Variants in PIK3CA observed in about 807,000 individuals in gnomAD.
PIK3CA encodes the protein phosphatidylinositol 4,5-bisphosphate 3-kinase catalytic subunit alpha isoform.
In PIK3CA, 27 loss-of-function variants were observed where a neutral mutation model predicts 138.2. That is an observed-to-expected ratio of 0.20 (90% CI 0.14 to 0.27). The LOEUF is 0.27. Ranked by LOEUF, PIK3CA falls within the 10% of genes least tolerant of loss-of-function variation. The pLI is 1.00. For synonymous variants in PIK3CA, 358 were observed against 413.2 expected (o/e 0.87, Z 1.62); for missense variants, 544 against 1,277.4 (o/e 0.43, Z 8.75).
At chr3:179,191,419 A>G (rs1161290186) in intron 1 of PIK3CA, among the ~76,000 whole-genome samples, 1 of 152,200 alleles carries the variant, frequency 6.6e-6, no homozygotes, top group African/African-American at 2.4e-5. Context: ...TCATTCAGCA[A>G]ACATTTAAAC....
chr3:179,239,782 T>C lies in PIK3CA; in HGVS notation c.*5418T>C. On this transcript the variant is annotated 3_prime_UTR_variant, in exon 21 of 21. Coordinates refer to ENST00000263967, the MANE Select transcript of PIK3CA (RefSeq NM_006218.4). ...TTGTAGCAAGTTTATTTCTCTATAT[T>C]TTGTCATTCAGTGAATTGAAGTCCT... The C allele has an allele frequency of 2.4e-6, 1 of 419,252 alleles. No individual in the cohort carries two copies. Among genetic ancestry groups the C allele is most frequent in the East Asian group, 3.5e-5 (1 of 28,368 alleles). The allele number at this position is 419,252 out of a possible 1,614,324, so 26.0% of individuals were successfully genotyped here. A position where few individuals can be genotyped will look rare whatever the true frequency, so the allele number is the denominator to read the frequency against.
intron 1 of PIK3CA, among the ~76,000 whole-genome samples, chr3:179,173,597 A>G (rs1723620368): frequency 6.6e-6 from 1 of 151,972 alleles, no homozygotes; most frequent in Non-Finnish European, 1.5e-5. Context: ...AAGTGCTAGA[A>G]TAACAAAAAA....
rs1418421686 is a variant in PIK3CA at position 179,220,818 on chromosome 3, C to T, written c.2016-168C>T. Among the ~76,000 whole-genome samples the T allele has an allele frequency of 1.3e-5, 2 of 152,084 alleles. No individual in the cohort carries two copies. The highest frequency in any genetic ancestry group is 4.8e-5 in the African/African-American group (2 of 41,422). On this transcript the variant is annotated intron_variant, in intron 13 of 20. Transcript: ENST00000263967. This position sits in a 1 kb window ranked among gnomAD's most constrained non-coding sequence, Gnocchi z 4.1. ...ACATATTCAGGAACTACCTGAAACT[C>T]ATGGTGGTTTTGTTTCTAAATTACA...
At chr3:179,184,296 T>C (rs1158647538) in intron 1 of PIK3CA, among the ~76,000 whole-genome samples, 1 of 152,222 alleles carries the variant, frequency 6.6e-6, no homozygotes, top group Non-Finnish European at 1.5e-5. Context: ...GAAAATATTG[T>C]CCTTGCAACA....
rs148940347 is a variant in PIK3CA at position 179,217,237 on chromosome 3, A to G, written c.1540-973A>G. On this transcript the variant is annotated intron_variant, in intron 9 of 20. Transcript: ENST00000263967. The stretch of plus-strand genomic sequence containing the variant: ...TCTTGTTACTTGAATCACAAATACT[A>G]TGTTCTCAGTCATTCTCTGTTACAT... 5.7e-4 allele frequency among the ~76,000 whole-genome samples: 86 copies of G among 152,172 alleles called. 1 individual carries two copies. The Middle Eastern group carries it at 0.01, about 18-fold the overall frequency.
chr3:179,199,437 T>G (rs183365622), intron 2 of PIK3CA, among the ~76,000 whole-genome samples: 30 of 152,230 alleles, frequency 2.0e-4, no homozygotes, highest in African/African-American at 7.2e-4. Context: ...GTTATTCTTT[T>G]AAAAATGATT....
chr3:179,193,177 A>G (rs1724180408), intron 1 of PIK3CA, among the ~76,000 whole-genome samples: 1 of 152,194 alleles, frequency 6.6e-6, no homozygotes, highest in South Asian at 2.1e-4. Flanking sequence ...ATTTTTAAGT[A>G]CTTCCTTCCT....
chr3:179,150,470 G>T (rs141196062), intron 1 of PIK3CA, among the ~76,000 whole-genome samples: 1 of 152,228 alleles, frequency 6.6e-6, no homozygotes, highest in East Asian at 1.9e-4. Context: ...TGAAACACCT[G>T]TAAATATAGA....
intron 7 of PIK3CA, 108 bp from the exon 8 acceptor site, chr3:179,210,078 T>A (rs1724668862): frequency 2.5e-6 from 2 of 786,272 alleles, no homozygotes; most frequent in Non-Finnish European, 3.9e-6. Context: ...TTTTTAGATA[T>A]TCCCATTATT....
At chr3:179,206,355 G>A (rs1213488152) in intron 6 of PIK3CA, among the ~76,000 whole-genome samples, 3 of 152,096 alleles carry the variant, frequency 2.0e-5, no homozygotes, top group South Asian at 2.1e-4. Flanking sequence ...CATCATGCCC[G>A]GCCAGGATCT....
chr3:179,182,499 C>A (rs1467938894), intron 1 of PIK3CA, among the ~76,000 whole-genome samples: 1 of 151,972 alleles, frequency 6.6e-6, no homozygotes, highest in Non-Finnish European at 1.5e-5. Context: ...GAGACCCCAT[C>A]TCTGCATTAA....
chr3:179,166,644 T>C (rs1279849654), intron 1 of PIK3CA, among the ~76,000 whole-genome samples: 1 of 152,214 alleles, frequency 6.6e-6, no homozygotes, highest in Non-Finnish European at 1.5e-5. Context: ...ATTTGTTTAA[T>C]CAAATTGAGC....
At chr3:179,233,657 T>C (rs1248341559) in intron 20 of PIK3CA, among the ~76,000 whole-genome samples, 1 of 152,192 alleles carries the variant, frequency 6.6e-6, no homozygotes, top group Non-Finnish European at 1.5e-5. Flanking sequence ...CAGTCAACCA[T>C]AATCACCTTG....
At chr3:179,223,086 T>C (rs1399378092) in intron 14 of PIK3CA, among the ~76,000 whole-genome samples, 1 of 152,236 alleles carries the variant, frequency 6.6e-6, no homozygotes, top group Non-Finnish European at 1.5e-5. Flanking sequence ...CTTTGTGTTT[T>C]GTTGTAACAA....
At chr3:179,174,054 G>A (rs1443535181) in intron 1 of PIK3CA, among the ~76,000 whole-genome samples, 1 of 152,150 alleles carries the variant, frequency 6.6e-6, no homozygotes, top group Non-Finnish European at 1.5e-5. Context: ...CTTGGTTGTA[G>A]TGGTGGTTTT....
intron 1 of PIK3CA, among the ~76,000 whole-genome samples, chr3:179,152,298 T>G (rs180769199): frequency 1.3e-5 from 2 of 152,176 alleles, no homozygotes; most frequent in African/African-American, 4.8e-5. Context: ...AGTACTGCAC[T>G]GGAAATAAGG....
At chr3:179,201,677 C>G (rs993520789) in intron 4 of PIK3CA, 137 bp downstream of exon 4, 1 of 580,772 alleles carries the variant, frequency 1.7e-6, no homozygotes, top group African/African-American at 2.0e-5. Context: ...GCGATCTCGG[C>G]TCACTGCAGG....
At chr3:179,192,013 T>C (rs1472438945) in intron 1 of PIK3CA, among the ~76,000 whole-genome samples, 1 of 152,248 alleles carries the variant, frequency 6.6e-6, no homozygotes, top group East Asian at 1.9e-4. Flanking sequence ...ATATACTTTC[T>C]GCATATTTTA....
intron 1 of PIK3CA, among the ~76,000 whole-genome samples, chr3:179,174,294 C>A (rs1329681911): frequency 4.6e-5 from 7 of 151,892 alleles, no homozygotes; most frequent in Admixed American, 4.6e-4. Context: ...CACAGCGAAA[C>A]CCTGTCTCTA....
Sources: gnomAD v4.1 joint callset for allele counts (sites outside exome capture counted in the v4.1 genomes callset) on GRCh38, gnomAD v4.1.1 for gene constraint, Gnocchi (gnomAD v3.1) non-coding constraint, MANE v1.5 for transcripts, NCBI Gene and HGNC (gene_info 2026-07-23, HGNC 2026-07-21) for gene names.